Variants in CPB2 observed in about 807,000 individuals in gnomAD.
CPB2 encodes the protein carboxypeptidase B-like protein.
Under a neutral mutation model 57.0 loss-of-function variants are expected in CPB2, and 54 were observed. That is an observed-to-expected ratio of 0.95 (90% CI 0.76 to 1.19). CPB2 has a LOEUF of 1.19. CPB2 is among the 50% of genes most tolerant of loss of function. The pLI is 0.00. For synonymous variants in CPB2, 189 were observed against 178.1 expected (o/e 1.06, Z -0.49); for missense variants, 426 against 512.0 (o/e 0.83, Z 1.62).
Position 46,053,423 on chromosome 13 carries a change from G to A in CPB2, c.*191C>T. The A allele has an allele frequency of 1.3e-6, 1 of 775,022 alleles. No homozygotes were observed. Among genetic ancestry groups the A allele is most frequent in the Admixed American group, 3.5e-5 (1 of 28,188 alleles). The allele number at this position is 775,022 out of a possible 1,614,324, so 48.0% of individuals were successfully genotyped here. A position where few individuals can be genotyped will look rare whatever the true frequency, so the allele number is the denominator to read the frequency against. ...AGACTTTTACAATTTTTTTTAAAGGGTAAAAAGACATGAACCCTAGTCTGC... is the reference window on the plus strand; with the variant it reads ...AGACTTTTACAATTTTTTTTAAAGGATAAAAAGACATGAACCCTAGTCTGC... On this transcript the variant is annotated 3_prime_UTR_variant, in exon 11 of 11. Coordinates refer to ENST00000181383, the MANE Select transcript of CPB2 (RefSeq NM_001872.5).
intron 5 of CPB2, among the ~76,000 whole-genome samples, chr13:46,074,874 C>T (rs1205400409): frequency 1.3e-5 from 2 of 152,124 alleles, no homozygotes; most frequent in East Asian, 1.9e-4. Context: ...TTTGCATGCG[C>T]GGTTCACAGT....
At chr13:46,100,031 A>C (rs886215967) in intron 1 of CPB2, 26 of 152,184 alleles carry the variant, frequency 1.7e-4, no homozygotes, top group Admixed American at 4.6e-4. Context: ...TCTCAAAAGA[A>C]AGAAAGAAAA....
chr13:46,104,975 A>G lies in CPB2; in HGVS notation c.35T>C (p.Ile12Thr). 1 of 1,614,050 alleles carries G rather than the reference A, an allele frequency of 6.2e-7. No homozygotes were observed. The highest frequency in any genetic ancestry group is 8.5e-7 in the Non-Finnish European group (1 of 1,179,928). The change falls in exon 1 of 11, where the codon ATT becomes ACT. Residue 12 changes from isoleucine to threonine, a missense_variant. Ile to Thr is a moderately conservative substitution (Grantham distance 89). Coordinates refer to ENST00000181383, the MANE Select transcript of CPB2 (RefSeq NM_001872.5). ...GACATGCTGCTCACAGAAGAGAACA[A>G]TGGGTACAAGGACTGCAAGGCTGCA... ...KLCSLAVLVP[I>T]VLFCEQHVFA...
intron 10 of CPB2, among the ~76,000 whole-genome samples, chr13:46,055,415 G>A (rs914616292): frequency 6.6e-6 from 1 of 152,200 alleles, no homozygotes; most frequent in Non-Finnish European, 1.5e-5. Flanking sequence ...TTAGTGTAGT[G>A]TACAACCTGC....
chr13:46,071,310 G>A (rs1297700079), intron 6 of CPB2, among the ~76,000 whole-genome samples: 1 of 152,180 alleles, frequency 6.6e-6, no homozygotes, highest in Non-Finnish European at 1.5e-5. Flanking sequence ...CATAGTAGGG[G>A]TGAGAAATGA....
intron 7 of CPB2, among the ~76,000 whole-genome samples, chr13:46,065,297 G>T (rs2044836304): frequency 6.6e-6 from 1 of 152,118 alleles, no homozygotes; most frequent in Admixed American, 6.5e-5. Context: ...TTCCCTATTG[G>T]GTTCTTGGGG....
chr13:46,084,439 G>T, intron 2 of CPB2, 96 bp from the exon 3 acceptor site: 1 of 1,343,066 alleles, frequency 7.4e-7, no homozygotes, highest in Non-Finnish European at 1.0e-6. Context: ...TCTATAAGGA[G>T]TATGAAAAGG....
At chr13:46,087,890 G>T in intron 1 of CPB2, 70 bp from the exon 2 acceptor site, 1 of 1,015,404 alleles carries the variant, frequency 9.8e-7, no homozygotes, top group Admixed American at 2.2e-5. Context: ...TATACTGTGA[G>T]GAGCTTTTAG....
In CPB2 at chr13:46,058,300, G is replaced by T. The variant is rs1310625125; in HGVS notation, c.878C>A (p.Ala293Asp). Residue 293 changes from alanine to aspartate, a missense_variant, in exon 9 of 11, where the codon GCT (alanine) becomes GAT (aspartate). Ala to Asp is a moderately radical substitution (Grantham distance 126). Coordinates refer to ENST00000181383, the MANE Select transcript of CPB2 (RefSeq NM_001872.5). The stretch of plus-strand genomic sequence containing the variant: ...GTTGATATTTCTTCTCAAGAAACTA[G>T]CCACTGCCTTCACTTCTGGTTCTGA... The part of the protein sequence containing the change: ...PESEPEVKAV[A>D]SFLRRNINQI... The T allele has an allele frequency of 6.2e-7, 1 of 1,614,016 alleles. No homozygotes were observed. The highest frequency in any genetic ancestry group is 2.2e-5 in the East Asian group (1 of 44,874).
intron 1 of CPB2, among the ~76,000 whole-genome samples, chr13:46,098,099 C>G (rs1372239383): frequency 1.3e-5 from 2 of 152,132 alleles, no homozygotes; most frequent in East Asian, 3.9e-4. Context: ...TGGAATCCAG[C>G]TTAGGCGTTC....
chr13:46,103,765 T>G (rs1452862447), intron 1 of CPB2, among the ~76,000 whole-genome samples: 1 of 152,054 alleles, frequency 6.6e-6, no homozygotes, highest in East Asian at 1.9e-4. Flanking sequence ...TTTTCTCTTC[T>G]CCCCCTTTCC....
At chr13:46,054,568 G>A (rs1297942522) in intron 10 of CPB2, among the ~76,000 whole-genome samples, 1 of 151,740 alleles carries the variant, frequency 6.6e-6, no homozygotes, top group East Asian at 1.9e-4. Context: ...ACTTTTTTTG[G>A]GGGGGTGCTA....
chr13:46,092,417 A>G (rs558194117), intron 1 of CPB2, among the ~76,000 whole-genome samples: 2 of 152,332 alleles, frequency 1.3e-5, no homozygotes, highest in South Asian at 4.1e-4. Context: ...GATAATATAA[A>G]ATGTTAACAT....
chr13:46,082,659 A>G (rs1332137763), intron 3 of CPB2, 110 bp from the exon 4 acceptor site: 2 of 613,506 alleles, frequency 3.3e-6, no homozygotes, highest in Non-Finnish European at 5.9e-6. Flanking sequence ...TCACTAAGAA[A>G]CTTCATAAGC....
At chr13:46,101,888 T>C (rs2045439048) in intron 1 of CPB2, among the ~76,000 whole-genome samples, 1 of 152,234 alleles carries the variant, frequency 6.6e-6, no homozygotes, top group South Asian at 2.1e-4. Context: ...TATCCCCTGC[T>C]ATGGTTTACA....
intron 10 of CPB2, among the ~76,000 whole-genome samples, chr13:46,054,100 A>G (rs2044644299): frequency 6.6e-6 from 1 of 152,180 alleles, no homozygotes; most frequent in Non-Finnish European, 1.5e-5. Context: ...CAAGCAGGGT[A>G]TGAATTTGCC....
chr13:46,104,962 A>G lies in CPB2; in HGVS notation c.48T>C (p.Cys16=). ...LAVLVPIVLF[C]EQHVFAFQSG... The stretch of plus-strand genomic sequence containing the variant: ...TCTGAAACGCGAAGACATGCTGCTC[A>G]CAGAAGAGAACAATGGGTACAAGGA... The change falls in exon 1 of 11, where the codon TGT becomes TGC. Residue 16 remains cysteine, a synonymous_variant. Transcript: ENST00000181383. 1.2e-6 allele frequency: 2 copies of G among 1,614,022 alleles called. No individual in the cohort carries two copies. Among genetic ancestry groups the G allele is most frequent in the Non-Finnish European group, 1.7e-6 (2 of 1,179,906 alleles).
chr13:46,092,564 A>T (rs555771436), intron 1 of CPB2, among the ~76,000 whole-genome samples: 7 of 152,358 alleles, frequency 4.6e-5, no homozygotes, highest in African/African-American at 1.7e-4. Flanking sequence ...AGAGGTTATG[A>T]TAACTTCTGT....
intron 4 of CPB2, among the ~76,000 whole-genome samples, chr13:46,079,558 A>G (rs2045079939): frequency 6.6e-6 from 1 of 151,420 alleles, no homozygotes. Flanking sequence ...AAAAAAAAGA[A>G]AAGAAAAGAA....
Sources: gnomAD v4.1 joint callset for allele counts (sites outside exome capture counted in the v4.1 genomes callset) on GRCh38, gnomAD v4.1.1 for gene constraint, MANE v1.5 for transcripts, NCBI Gene and HGNC (gene_info 2026-07-23, HGNC 2026-07-21) for gene names.